Variants in GCC1 observed in about 807,000 individuals in gnomAD.
GCC1 encodes GRIP and coiled-coil domain containing 1.
A neutral mutation model predicts 62.5 loss-of-function variants in GCC1; 36 were observed. The ratio of observed to expected loss-of-function variants is 0.58; its 90% CI spans 0.44 to 0.76. GCC1 has a LOEUF of 0.76. GCC1 is among the 30% of genes least tolerant of loss of function. GCC1 has a pLI of 0.00. For synonymous variants in GCC1, 391 were observed against 386.8 expected (o/e 1.01, Z -0.13); for missense variants, 885 against 948.3 (o/e 0.93, Z 0.88).
chr7:127,583,429 T>C, intron 1 of GCC1, 120 bp from the exon 2 acceptor site: 1 of 752,428 alleles, frequency 1.3e-6, no homozygotes, highest in Non-Finnish European at 2.2e-6. Flanking sequence ...GAATGCTAAC[T>C]AGGGATTTTT....
At position 127,584,147 on chromosome 7, in the gene GCC1, T is replaced by A. The variant is rs1313733886; in HGVS notation, c.1032+4A>T. On this transcript the variant is annotated splice_donor_region_variant and intron_variant, in intron 1 of 1. Transcript: ENST00000321407. Reference sequence around the variant, plus strand: ...TGATGTTTGAAAGAGATATGGATAATTACCTTTCTCATTTCCTGCTGTAAC... The same window carrying A: ...TGATGTTTGAAAGAGATATGGATAAATACCTTTCTCATTTCCTGCTGTAAC... 4 of 1,612,212 alleles carry A rather than the reference T, an allele frequency of 2.5e-6. No individual in the cohort carries two copies. In the Admixed American group the frequency reaches 5.0e-5, roughly 20 times the overall value.
At position 127,582,605 on chromosome 7, in the gene GCC1, C is replaced by T; in HGVS notation, c.1737G>A (p.Leu579=). The T allele has an allele frequency of 6.2e-7, 1 of 1,612,720 alleles. No homozygotes were observed. The highest frequency in any genetic ancestry group is 1.1e-5 in the South Asian group (1 of 91,078). The change falls in exon 2 of 2, where the codon CTG becomes CTA. Residue 579 remains leucine, a synonymous_variant. Coordinates refer to ENST00000321407, the MANE Select transcript of GCC1 (RefSeq NM_024523.6). The surrounding 1 kb of genome is among the most constrained non-coding windows in gnomAD (Gnocchi z 4.8). The part of the protein sequence containing the change: ...RCQLDFRDRT[L]KLEEELHKQR... ...GCTTGTGCAGCTCCTCCTCCAGTTT[C>T]AGTGTGCGGTCCCTGAAGTCCAGCT...
At position 127,585,591 on chromosome 7, in the gene GCC1, G is replaced by T. The variant is rs576463681; in HGVS notation, c.-409C>A. 2 of 167,234 alleles carry T rather than the reference G, an allele frequency of 1.2e-5. No homozygotes were observed. The highest frequency in any genetic ancestry group is 1.7e-4 in the East Asian group (1 of 5,830). 10.4% of individuals were successfully genotyped at this position (167,234 alleles called of 1,614,324 possible). A position where few individuals can be genotyped will look rare whatever the true frequency, so the allele number is the denominator to read the frequency against. On this transcript the variant is annotated 5_prime_UTR_variant, in exon 1 of 2. Coordinates refer to ENST00000321407, the MANE Select transcript of GCC1 (RefSeq NM_024523.6). ...GACATCCTAACTAAAGCTGCCTGCCGACAACGGCGCTTCCGTGTCCGCTGG... is the reference window on the plus strand; with the variant it reads ...GACATCCTAACTAAAGCTGCCTGCCTACAACGGCGCTTCCGTGTCCGCTGG...
rs1794161011 is a variant in GCC1 at position 127,583,270 on chromosome 7, C to T, written c.1072G>A (p.Val358Ile). Residue 358 changes from valine (V) to isoleucine (I), a missense_variant, in exon 2 of 2, where the codon GTA (valine) becomes ATA (isoleucine). Physicochemically the swap from Val to Ile is conservative, Grantham distance 29. Coordinates refer to ENST00000321407, the MANE Select transcript of GCC1 (RefSeq NM_024523.6). ...AEDQLRQQSQ[V>I]EEQRVAALEN... The stretch of plus-strand genomic sequence containing the variant: ...AGGGCTGCCACCCTCTGTTCTTCTA[C>T]CTGAGATTGCTGACGGAGTTGATCC... 2.5e-6 allele frequency: 4 copies of T among 1,608,370 alleles called. No individual in the cohort carries two copies. The South Asian group carries it at 3.3e-5, about 13-fold the overall frequency.
In GCC1 at chr7:127,585,340, C is replaced by T. The variant is rs1794190149; in HGVS notation, c.-158G>A. The T allele has an allele frequency of 1.4e-6, 1 of 729,818 alleles. No individual in the cohort carries two copies. Among genetic ancestry groups the T allele is most frequent in the Non-Finnish European group, 2.2e-6 (1 of 461,956 alleles). 45.2% of individuals were successfully genotyped at this position (729,818 alleles called of 1,614,324 possible). On this transcript the variant is annotated 5_prime_UTR_variant, in exon 1 of 2. Transcript: ENST00000321407. Reference sequence around the variant, plus strand: ...TATCCCGGACCTAATGCGGAACGGCCGGACGGACTGGCGAAAGCGGCCGCC... The same window carrying T: ...TATCCCGGACCTAATGCGGAACGGCTGGACGGACTGGCGAAAGCGGCCGCC...
rs1253823026 is a variant in GCC1, at chr7:127,584,793, G to A, written c.390C>T (p.Ser130=). ...CACTCTCGGACCAACTGGCCTCTTC[G>A]GACTTTGGAGGTGGTGGTCCACGGG... The part of the protein sequence containing the change: ...RPARGPPPPK[S]EEASWSESGV... The change falls in exon 1 of 2, where the codon TCC becomes TCT. Residue 130 remains serine (S), a synonymous_variant. Coordinates refer to ENST00000321407, the MANE Select transcript of GCC1 (RefSeq NM_024523.6). 1 of 1,614,132 alleles carries A rather than the reference G, an allele frequency of 6.2e-7. No individual in the cohort carries two copies. Among genetic ancestry groups the A allele is most frequent in the South Asian group, 1.1e-5 (1 of 91,072 alleles).
At position 127,585,332 on chromosome 7, in the gene GCC1, G is replaced by T. The variant is rs1794190029; in HGVS notation, c.-150C>A. On this transcript the variant is annotated 5_prime_UTR_variant, in exon 1 of 2. Coordinates refer to ENST00000321407, the MANE Select transcript of GCC1 (RefSeq NM_024523.6). ...CACCTAGTTATCCCGGACCTAATGC[G>T]GAACGGCCGGACGGACTGGCGAAAG... is the stretch of plus-strand genomic sequence containing the variant. 4 of 748,218 alleles carry T rather than the reference G, an allele frequency of 5.3e-6. No homozygotes were observed. In the South Asian group the frequency reaches 7.6e-5, roughly 14 times the overall value. The allele number at this position is 748,218 out of a possible 1,614,324, so 46.3% of individuals were successfully genotyped here. A position where few individuals can be genotyped will look rare whatever the true frequency, so the allele number is the denominator to read the frequency against.
Position 127,584,826 on chromosome 7 carries a change from G to C in GCC1, c.357C>G (p.Asp119Glu), listed in dbSNP as rs1459053551. 14 of 1,614,074 alleles carry C rather than the reference G, an allele frequency of 8.7e-6. No homozygotes were observed. The highest frequency in any genetic ancestry group is 1.3e-5 in the African/African-American group (1 of 74,920). ...GAGGTGGTGGTCCACGGGCCGGTCT[G>C]TCATCTTCTACCCCAAACTCACCCT... ...STKGEFGVED[D>E]RPARGPPPPK... is the part of the protein sequence containing the mutation. Residue 119 changes from aspartate (D) to glutamate (E), a missense_variant, in exon 1 of 2, where the codon GAC (aspartate) becomes GAG (glutamate). Asp to Glu is a conservative substitution (Grantham distance 45, BLOSUM62 2). Transcript: ENST00000321407.
rs754945493 is a variant in GCC1 at position 127,584,677 on chromosome 7, G to C, written c.506C>G (p.Thr169Ser). ...CTGAGTGACTGTAGCCAAAGAACTGGTCAAAGTAGCCAACTGAGTCTTCAG... is the reference window on the plus strand; with the variant it reads ...CTGAGTGACTGTAGCCAAAGAACTGCTCAAAGTAGCCAACTGAGTCTTCAG... ...HQLKTQLATLTSSLATVTQEK... is the reference protein window; with the variant it reads ...HQLKTQLATLSSSLATVTQEK... The change falls in exon 1 of 2, where the codon ACC becomes AGC. Residue 169 changes from threonine to serine, a missense_variant. Physicochemically the swap from Thr to Ser is moderately conservative, Grantham distance 58 (BLOSUM62 1). Coordinates refer to ENST00000321407, the MANE Select transcript of GCC1 (RefSeq NM_024523.6). The C allele has an allele frequency of 1.9e-6, 3 of 1,614,166 alleles. No individual in the cohort carries two copies. Among genetic ancestry groups the C allele is most frequent in the Non-Finnish European group, 2.5e-6 (3 of 1,180,030 alleles).
chr7:127,584,445 C>T lies in GCC1; in HGVS notation c.738G>A (p.Met246Ile), dbSNP rs200791495. ...RAQEQSDHAL[M>I]LRELQKLLQE... is the part of the protein sequence containing the mutation. ...GCAGCAGCTTCTGGAGCTCACGCAG[C>T]ATCAAGGCATGGTCACTCTGCTCTT... The change falls in exon 1 of 2, where the codon ATG becomes ATA. Residue 246 changes from methionine to isoleucine, a missense_variant. Met to Ile is a conservative substitution (Grantham distance 10, BLOSUM62 1). Coordinates refer to ENST00000321407, the MANE Select transcript of GCC1 (RefSeq NM_024523.6). 6.2e-7 allele frequency: 1 copy of T among 1,614,106 alleles called. No individual in the cohort carries two copies. Among genetic ancestry groups the T allele is most frequent in the Admixed American group, 1.7e-5 (1 of 60,002 alleles).
intron 1 of GCC1, 78 bp downstream of exon 1, chr7:127,584,073 T>C: frequency 7.7e-7 from 1 of 1,302,050 alleles, no homozygotes; most frequent in East Asian, 2.3e-5. Flanking sequence ...TAGCTCTAAC[T>C]AGCAAAGGAG....
chr7:127,583,617 A>T (rs527778405), intron 1 of GCC1, among the ~76,000 whole-genome samples: 12 of 152,316 alleles, frequency 7.9e-5, no homozygotes, highest in African/African-American at 2.9e-4. Flanking sequence ...CTATTAAGAA[A>T]TCATACAGCA....
In GCC1 at chr7:127,582,523, G is replaced by GC. The variant is rs1794148925; in HGVS notation, c.1818dup (p.Arg607AlafsTer26). ...AGCCCAGAGGCCAAGGCCACAGAAC[G>GC]CAGTTGCTCCAGTTCCAAGTCCTTC... On this transcript the variant is annotated frameshift_variant, in exon 2 of 2. Coordinates refer to ENST00000321407, the MANE Select transcript of GCC1 (RefSeq NM_024523.6). LOFTEE classifies it high-confidence loss of function. This position sits in a 1 kb window ranked among gnomAD's most constrained non-coding sequence, Gnocchi z 4.8. 3 of 1,612,412 alleles carry GC rather than the reference G, an allele frequency of 1.9e-6. No homozygotes were observed. The East Asian group carries it at 6.7e-5, about 36-fold the overall frequency.
At chr7:127,583,525 T>C (rs1408581278) in intron 1 of GCC1, among the ~76,000 whole-genome samples, 2 of 152,198 alleles carry the variant, frequency 1.3e-5, no homozygotes. Context: ...TGAAGCACCT[T>C]GGTACATCTG....
In GCC1 at chr7:127,584,934, C is replaced by T; in HGVS notation, c.249G>A (p.Val83=). 5.0e-6 allele frequency: 8 copies of T among 1,614,180 alleles called. No homozygotes were observed. The highest frequency in any genetic ancestry group is 5.9e-6 in the Non-Finnish European group (7 of 1,180,040). Residue 83 remains valine, a synonymous_variant, in exon 1 of 2, where the codon GTG becomes GTA. Transcript: ENST00000321407. ...CGCTGTGAGTGGAGCACCGGTCATC[C>T]ACAGAGTCAGGAAAGGTGAGGCCTG... ...QLPGLTFPDS[V]DDRCSTHSED... is the part of the protein sequence containing the mutation.
Position 127,585,431 on chromosome 7 carries a change from G to A in GCC1, c.-249C>T, listed in dbSNP as rs1200179104. 1.9e-6 allele frequency: 1 copy of A among 529,586 alleles called. No homozygotes were observed. Among genetic ancestry groups the A allele is most frequent in the East Asian group, 3.2e-5 (1 of 31,124 alleles). 32.8% of individuals were successfully genotyped at this position (529,586 alleles called of 1,614,324 possible). On this transcript the variant is annotated 5_prime_UTR_variant, in exon 1 of 2. Transcript: ENST00000321407. ...AGGCGGGGCGACACTGGCACCAGAG[G>A]TGCGCACTGCCAGGGCTCGTTAGCG...
rs771449194 is a variant in GCC1 at position 127,584,482 on chromosome 7, T to C, written c.701A>G (p.His234Arg). ...ETKARLITQQ[H>R]DRAQEQSDHA... ...GTCACTCTGCTCTTGGGCCCGATCA[T>C]GCTGCTGCGTGATAAGCCGGGCTTT... The change falls in exon 1 of 2, where the codon CAT becomes CGT. Residue 234 changes from histidine to arginine, a missense_variant. Transcript: ENST00000321407. The C allele has an allele frequency of 1.6e-5, 26 of 1,614,134 alleles. No homozygotes were observed. In the South Asian group the frequency reaches 2.1e-4, roughly 13 times the overall value.
chr7:127,582,511 A>C lies in GCC1; in HGVS notation c.1831T>G (p.Leu611Val). The C allele has an allele frequency of 6.2e-7, 1 of 1,613,062 alleles. No homozygotes were observed. Among genetic ancestry groups the C allele is most frequent in the Non-Finnish European group, 8.5e-7 (1 of 1,180,006 alleles). Reference sequence around the variant, plus strand: ...CTGCGTCCTGGCAGCCCAGAGGCCAAGGCCACAGAACGCAGTTGCTCCAGT... The same window carrying C: ...CTGCGTCCTGGCAGCCCAGAGGCCACGGCCACAGAACGCAGTTGCTCCAGT... ...LELEQLRSVA[L>V]ASGLPGRRSP... Residue 611 changes from leucine (L) to valine (V), a missense_variant, in exon 2 of 2, where the codon TTG (leucine) becomes GTG (valine). Coordinates refer to ENST00000321407, the MANE Select transcript of GCC1 (RefSeq NM_024523.6). This position sits in a 1 kb window ranked among gnomAD's most constrained non-coding sequence, Gnocchi z 4.8.
rs1794151698 is a variant in GCC1 at position 127,582,644 on chromosome 7, C to T, written c.1698G>A (p.Glu566=). 2.5e-6 allele frequency: 4 copies of T among 1,613,434 alleles called. No homozygotes were observed. The highest frequency in any genetic ancestry group is 3.4e-6 in the Non-Finnish European group (4 of 1,180,022). ...TGAAGTCCAGCTGGCACCGCTCCAG[C>T]TCCTGCCGGTGGAGCTGCTGCAGCC... The part of the protein sequence containing the change: ...LARLQQLHRQ[E]LERCQLDFRD... The change falls in exon 2 of 2, where the codon GAG becomes GAA. Residue 566 remains glutamate (E), a synonymous_variant. Coordinates refer to ENST00000321407, the MANE Select transcript of GCC1 (RefSeq NM_024523.6). The surrounding 1 kb of genome is among the most constrained non-coding windows in gnomAD (Gnocchi z 4.8).
Sources: allele counts gnomAD v4.1 joint callset (sites outside exome capture counted in the v4.1 genomes callset), GRCh38; gene constraint gnomAD v4.1.1; non-coding constraint Gnocchi (gnomAD v3.1); transcripts MANE v1.5; gene names NCBI Gene and HGNC (gene_info 2026-07-23, HGNC 2026-07-21).